The following RBFOX1 variants were observed in gnomAD, a reference collection of about 807,000 sequenced individuals.
RBFOX1 encodes the protein RNA binding fox-1 homolog 1.
A neutral mutation model predicts 57.7 loss-of-function variants in RBFOX1; 8 were observed. That is an observed-to-expected ratio of 0.14 (90% CI 0.08 to 0.25). The LOEUF (loss-of-function observed/expected upper bound fraction) is 0.25. RBFOX1 is among the 10% of genes least tolerant of loss of function. RBFOX1 has a pLI of 1.00. For synonymous variants in RBFOX1, 326 were observed against 222.4 expected (o/e 1.47, Z -4.15); for missense variants, 611 against 548.5 (o/e 1.11, Z -1.14).
chr16:5,632,940 CTTTT>C (rs71142634), intron 3 of RBFOX1, among the ~76,000 whole-genome samples: 1 of 125,614 alleles, frequency 8.0e-6, no homozygotes, highest in Admixed American at 8.5e-5. Flanking sequence ...TTAACAACTC[CTTTT>C]TTTTTTTTTT....
At chr16:7,163,157 A>G (rs972229392) in intron 4 of RBFOX1, among the ~76,000 whole-genome samples, 1 of 151,826 alleles carries the variant, frequency 6.6e-6, no homozygotes, top group Non-Finnish European at 1.5e-5. Context: ...TTTTTTTCTC[A>G]TTTTAATATT....
intron 3 of RBFOX1, among the ~76,000 whole-genome samples, chr16:5,852,562 G>A (rs1243517638): frequency 1.3e-5 from 2 of 152,148 alleles, no homozygotes; most frequent in Non-Finnish European, 2.9e-5. Context: ...GCACCTTTGG[G>A]CAAGGCACGA....
At chr16:7,133,770 T>G (rs528897917) in intron 4 of RBFOX1, among the ~76,000 whole-genome samples, 4 of 152,228 alleles carry the variant, frequency 2.6e-5, no homozygotes, top group Admixed American at 6.5e-5. Context: ...AAATAATAAT[T>G]GATCTGCCAT....
chr16:7,635,298 T>C (rs2061578731), intron 11 of RBFOX1, among the ~76,000 whole-genome samples: 3 of 152,364 alleles, frequency 2.0e-5, no homozygotes, highest in South Asian at 4.1e-4. Flanking sequence ...CAGATCCTTA[T>C]TTACATATGA....
At position 5,847,750 on chromosome 16, in the gene RBFOX1, T is replaced by C. The variant is rs1322264311; in HGVS notation, c.319-19553T>C. 2.0e-5 allele frequency among the ~76,000 whole-genome samples: 3 copies of C among 152,238 alleles called. No individual in the cohort carries two copies. The East Asian group carries it at 5.8e-4, about 30-fold the overall frequency. ...ACTGGTGTTCCACAGCCTCACTCTC[T>C]CGGTCCGTGCAACAAACATTATAGC... On this transcript the variant is annotated intron_variant, in intron 3 of 19. Transcript: ENST00000641259.
chr16:7,417,323 A>G (rs1399261413), intron 4 of RBFOX1, among the ~76,000 whole-genome samples: 2 of 142,794 alleles, frequency 1.4e-5, no homozygotes, highest in African/African-American at 2.6e-5. Flanking sequence ...CAGTGAGGTG[A>G]GATTGTTCCA....
At position 6,405,263 on chromosome 16, in the gene RBFOX1, G is replaced by A. The variant is rs116935398; in HGVS notation, c.-64+88206G>A. 1.5e-3 allele frequency among the ~76,000 whole-genome samples: 229 copies of A among 152,296 alleles called. 1 individual carries two copies. The highest frequency in any genetic ancestry group is 6.8e-3 in the Middle Eastern group (2 of 292). On this transcript the variant is annotated intron_variant, in intron 2 of 15. Coordinates refer to ENST00000550418, the MANE Select transcript of RBFOX1 (RefSeq NM_018723.4). ...GTTAGAGGGTGTTTTGAGATGGGCT[G>A]CAAATCCTCTGGAGAATTTGATTTG... is the stretch of plus-strand genomic sequence containing the variant.
chr16:5,670,359 A>G (rs960529195), intron 3 of RBFOX1, among the ~76,000 whole-genome samples: 7 of 152,214 alleles, frequency 4.6e-5, no homozygotes, highest in African/African-American at 1.4e-4. Flanking sequence ...CCCATTTTCA[A>G]TTAAACAACT....
At chr16:5,649,421 C>T (rs910491897) in intron 3 of RBFOX1, among the ~76,000 whole-genome samples, 35 of 152,112 alleles carry the variant, frequency 2.3e-4, no homozygotes, top group Admixed American at 6.5e-4. Flanking sequence ...CCACCTGCCT[C>T]GGTCTCCCAA....
chr16:6,778,560 T>C (rs566139237), intron 3 of RBFOX1, among the ~76,000 whole-genome samples: 1 of 152,258 alleles, frequency 6.6e-6, no homozygotes, highest in East Asian at 1.9e-4. Context: ...CCCAGTTATC[T>C]TACATATTTA....
At chr16:5,721,736 G>A (rs189039675) in intron 3 of RBFOX1, among the ~76,000 whole-genome samples, 3 of 152,170 alleles carry the variant, frequency 2.0e-5, no homozygotes, top group Non-Finnish European at 1.5e-5. Context: ...TGACATTTTG[G>A]TTCTTTATTA....
intron 1 of RBFOX1, among the ~76,000 whole-genome samples, chr16:6,161,378 G>T (rs1220740460): frequency 6.9e-6 from 1 of 144,092 alleles, no homozygotes; most frequent in Non-Finnish European, 1.5e-5. Context: ...GATAGAGTGA[G>T]ACTCTGTCTT....
At chr16:7,052,892 G>T (rs1420012530) in intron 4 of RBFOX1, among the ~76,000 whole-genome samples, 2 of 152,176 alleles carry the variant, frequency 1.3e-5, no homozygotes, top group African/African-American at 4.8e-5. Flanking sequence ...ACTAATGGAA[G>T]TTGGCAGTTT....
chr16:6,533,950 AT>A (rs1478938327), intron 2 of RBFOX1, among the ~76,000 whole-genome samples: 5 of 152,194 alleles, frequency 3.3e-5, no homozygotes, highest in African/African-American at 1.2e-4. Context: ...CAAGGAGGAA[AT>A]ATAACAATGT....
In RBFOX1 at chr16:7,202,083, A is replaced by C. The variant is rs539461943; in HGVS notation, c.27+149985A>C. Among the ~76,000 whole-genome samples the C allele has an allele frequency of 6.6e-5, 10 of 152,296 alleles. No individual in the cohort carries two copies. The South Asian group carries it at 1.0e-3, about 16-fold the overall frequency. On this transcript the variant is annotated intron_variant, in intron 4 of 15. Coordinates refer to ENST00000550418, the MANE Select transcript of RBFOX1 (RefSeq NM_018723.4). Reference sequence around the variant, plus strand: ...TAGAGCCGCTTAACTGTCTCCAAAAATCAATATGGGTTACTCAACAACAAC... The same window carrying C: ...TAGAGCCGCTTAACTGTCTCCAAAACTCAATATGGGTTACTCAACAACAAC...
intron 3 of RBFOX1, among the ~76,000 whole-genome samples, chr16:5,641,213 A>G (rs1384759596): frequency 6.6e-6 from 1 of 152,200 alleles, no homozygotes; most frequent in East Asian, 1.9e-4. Context: ...CACCATGCAT[A>G]CATACATGCA....
intron 11 of RBFOX1, among the ~76,000 whole-genome samples, chr16:7,647,665 G>A (rs1181286026): frequency 6.6e-6 from 1 of 152,148 alleles, no homozygotes; most frequent in South Asian, 2.1e-4. Context: ...TACTGGATAG[G>A]GTGATGTTTG....
chr16:6,952,297 G>C (rs75302198), intron 3 of RBFOX1, among the ~76,000 whole-genome samples: 6 of 152,132 alleles, frequency 3.9e-5, no homozygotes, highest in Non-Finnish European at 8.8e-5. Context: ...TAAAGCTCTT[G>C]TGTGTGCAAA....
chr16:7,554,523 C>G (rs2087672578), intron 5 of RBFOX1, among the ~76,000 whole-genome samples: 1 of 152,120 alleles, frequency 6.6e-6, no homozygotes, highest in African/African-American at 2.4e-5. Flanking sequence ...AGTAAACAGA[C>G]TTAGCTTCTC....
Sources: allele counts gnomAD v4.1 joint callset (sites outside exome capture counted in the v4.1 genomes callset), GRCh38; gene constraint gnomAD v4.1.1; transcripts MANE v1.5; gene names NCBI Gene and HGNC (gene_info 2026-07-23, HGNC 2026-07-21).